ABCA9: variants seen among roughly 807,000 people sequenced by gnomAD.
ABCA9 encodes the protein ATP binding cassette subfamily A member 9, also known as ATP-binding cassette sub-family A member 9.
Under a neutral mutation model 205.3 loss-of-function variants are expected in ABCA9, and 183 were observed. That is an observed-to-expected ratio of 0.89 (90% CI 0.79 to 1.01). The LOEUF (loss-of-function observed/expected upper bound fraction) is 1.01. Ranked by LOEUF, ABCA9 falls within the 50% of genes least tolerant of loss-of-function variation. The pLI, the probability that ABCA9 is intolerant of heterozygous loss-of-function variation, is 0.00. For missense variants in ABCA9, 1,805 were observed against 1,912.4 expected (o/e 0.94, Z 1.05); for synonymous variants, 651 against 683.3 (o/e 0.95, Z 0.74).
rs549017538 is a variant in ABCA9, at chr17:68,996,156, T to A, written c.3436-142A>T. 389 of 802,240 alleles carry A rather than the reference T, an allele frequency of 4.8e-4. 1 individual carries two copies. The African/African-American group carries it at 6.2e-3, about 13-fold the overall frequency. 49.7% of individuals were successfully genotyped at this position (802,240 alleles called of 1,614,324 possible). A position where few individuals can be genotyped will look rare whatever the true frequency, so the allele number is the denominator to read the frequency against. On this transcript the variant is annotated intron_variant, in intron 25 of 38. Coordinates refer to ENST00000340001, the MANE Select transcript of ABCA9 (RefSeq NM_080283.4). ...ACCAGTATTTATATCATTTCTTTCC[T>A]TTGCAACATGGAATTTCATCACAGT...
rs2070712327 is a variant in ABCA9 at position 69,018,532 on chromosome 17, A to G, written c.2648T>C (p.Leu883Pro). 2 of 1,604,712 alleles carry G rather than the reference A, an allele frequency of 1.2e-6. No individual in the cohort carries two copies. Among genetic ancestry groups the G allele is most frequent in the African/African-American group, 2.7e-5 (2 of 74,264 alleles). The change falls in exon 20 of 39, where the codon CTA becomes CCA. Residue 883 changes from leucine (L) to proline (P), a missense_variant. Leu to Pro is a moderately conservative substitution (Grantham distance 98). Coordinates refer to ENST00000340001, the MANE Select transcript of ABCA9 (RefSeq NM_080283.4). ...ISFIPQLLEHLFYESYQKSYP... is the reference protein window; with the variant it reads ...ISFIPQLLEHPFYESYQKSYP... ...ACTTTTCTGATATGACTCGTAGAAT[A>G]GATGTTCCAAAAGTTGAGGGATAAA...
the ABCA9 span, among the ~76,000 whole-genome samples, chr17:69,065,974 C>T: frequency 2.0e-5 from 3 of 152,156 alleles, no homozygotes; most frequent in African/African-American, 4.8e-5. Context: ...ATGTTTGCCT[C>T]CCCTTCTGCC....
the ABCA9 span, among the ~76,000 whole-genome samples, chr17:69,073,843 C>T: frequency 6.6e-6 from 1 of 152,072 alleles, no homozygotes; most frequent in African/African-American, 2.4e-5. Flanking sequence ...ACCACAAGCA[C>T]ATACCACCCG....
chr17:68,993,149 C>G (rs1470535697), intron 26 of ABCA9, 65 bp from the exon 27 acceptor site: 2 of 1,392,288 alleles, frequency 1.4e-6, no homozygotes, highest in African/African-American at 2.9e-5. Flanking sequence ...ATTTATCCCA[C>G]TTAAGATAAA....
intron 10 of ABCA9, among the ~76,000 whole-genome samples, chr17:69,031,335 A>G (rs937648962): frequency 6.6e-6 from 1 of 152,204 alleles, no homozygotes; most frequent in Non-Finnish European, 1.5e-5. Context: ...CTATGTTTAC[A>G]TGCTCATAAG....
chr17:69,017,544 C>T (rs2070662891), intron 21 of ABCA9, 112 bp downstream of exon 21: 1 of 1,169,988 alleles, frequency 8.5e-7, no homozygotes. Context: ...AAAATGAGAA[C>T]TATCCCATTT....
At chr17:69,035,908 G>A (rs2144394713) in intron 6 of ABCA9, 107 bp from the exon 7 acceptor site, 2 of 1,382,428 alleles carry the variant, frequency 1.4e-6, no homozygotes, top group South Asian at 1.7e-5. Flanking sequence ...CAAGGGTAAA[G>A]GAAAAGAAAA....
intron 23 of ABCA9, among the ~76,000 whole-genome samples, chr17:69,010,073 T>C (rs1361420705): frequency 1.3e-5 from 2 of 151,810 alleles, no homozygotes; most frequent in African/African-American, 2.4e-5. Context: ...TGAAAGGTGA[T>C]CCATTATTTA....
At chr17:69,068,389 T>C in the ABCA9 span, among the ~76,000 whole-genome samples, 2 of 152,230 alleles carry the variant, frequency 1.3e-5, no homozygotes, top group Non-Finnish European at 2.9e-5. Context: ...TCTTTATTGC[T>C]ATTTCTATTT....
At chr17:69,038,436 C>T (rs923504173) in intron 6 of ABCA9, among the ~76,000 whole-genome samples, 1 of 152,098 alleles carries the variant, frequency 6.6e-6, no homozygotes, top group Non-Finnish European at 1.5e-5. Context: ...TAAATGTAAT[C>T]CATCATATAA....
rs1333533189 is a variant in ABCA9 at position 69,027,762 on chromosome 17, T to C, written c.1669A>G (p.Ile557Val). 6.2e-7 allele frequency: 1 copy of C among 1,612,980 alleles called. No individual in the cohort carries two copies. Among genetic ancestry groups the C allele is most frequent in the African/African-American group, 1.3e-5 (1 of 75,038 alleles). The change falls in exon 13 of 39, where the codon ATC becomes GTC. Residue 557 changes from isoleucine to valine, a missense_variant. Ile to Val is a conservative substitution (Grantham distance 29). Coordinates refer to ENST00000340001, the MANE Select transcript of ABCA9 (RefSeq NM_080283.4). The part of the protein sequence containing the change: ...TLSRMADIEN[I>V]SKFTGFCPQS... ...GGACAAAATCCAGTGAACTTGCTGA[T>C]ATTTTCTATATCAGCCATTCTTGAA...
At chr17:69,061,724 A>G (rs1181095820), upstream of ABCA9, among the ~76,000 whole-genome samples, 2 of 152,182 alleles carry the variant, frequency 1.3e-5, no homozygotes, top group African/African-American at 4.8e-5. Flanking sequence ...AACATTTTTA[A>G]CTGGTAATAG....
intron 25 of ABCA9, among the ~76,000 whole-genome samples, chr17:69,005,240 G>A (rs1389878672): frequency 6.6e-6 from 1 of 152,168 alleles, no homozygotes; most frequent in Non-Finnish European, 1.5e-5. Context: ...TGCATACAGC[G>A]TCCTCAGCTT....
chr17:68,994,229 T>C (rs1269608905), intron 26 of ABCA9, among the ~76,000 whole-genome samples: 1 of 152,356 alleles, frequency 6.6e-6, no homozygotes, highest in South Asian at 2.1e-4. Context: ...TCTTACTCCA[T>C]AATTTGGAAT....
At chr17:68,987,619 A>G (rs1834075100) in intron 31 of ABCA9, among the ~76,000 whole-genome samples, 1 of 152,196 alleles carries the variant, frequency 6.6e-6, no homozygotes. Context: ...CTCAAGGCCA[A>G]TGTGAGCAGG....
chr17:68,981,164 T>A (rs1271523270), intron 37 of ABCA9, among the ~76,000 whole-genome samples: 5 of 151,948 alleles, frequency 3.3e-5, no homozygotes, highest in African/African-American at 1.2e-4. Flanking sequence ...CAATATTGGT[T>A]AAAGGGTACG....
intron 37 of ABCA9, among the ~76,000 whole-genome samples, chr17:68,977,987 T>C (rs1204426985): frequency 6.6e-6 from 1 of 152,212 alleles, no homozygotes. Context: ...CTATTAGGTC[T>C]GCTTGGTGCA....
At chr17:69,071,684 TCTC>T in the ABCA9 span, among the ~76,000 whole-genome samples, 1 of 152,092 alleles carries the variant, frequency 6.6e-6, no homozygotes, top group African/African-American at 2.4e-5. Context: ...GAATGCCTAT[TCTC>T]CTCCAAAAAA....
At chr17:69,063,564 T>C (rs1480998394), upstream of ABCA9, among the ~76,000 whole-genome samples, 2 of 152,148 alleles carry the variant, frequency 1.3e-5, no homozygotes, top group African/African-American at 4.8e-5. Flanking sequence ...TTTTGTCAGA[T>C]ATCCTCCAAA....
Sources: allele counts gnomAD v4.1 joint callset (sites outside exome capture counted in the v4.1 genomes callset), GRCh38; gene constraint gnomAD v4.1.1; transcripts MANE v1.5; gene names NCBI Gene and HGNC (gene_info 2026-07-23, HGNC 2026-07-21).